The following WEE2 variants were observed in gnomAD, a reference collection of about 807,000 sequenced individuals.
WEE2 encodes the protein WEE2 oocyte meiosis inhibiting kinase.
WEE2 carries 50 observed loss-of-function variants against 60.1 expected under a neutral mutation model. The observed-to-expected ratio is 0.83, with a 90% CI of 0.66 to 1.05. The LOEUF is 1.05. Among genes scored for constraint, WEE2 ranks in the 50% least tolerant of loss-of-function variants. The probability of loss-of-function intolerance (pLI) is 0.00; values close to 1 mark genes in which losing one functional copy is unlikely to be tolerated. For missense variants in WEE2, 631 were observed against 684.3 expected (o/e 0.92, Z 0.87); for synonymous variants, 240 against 241.0 (o/e 1.00, Z 0.04).
intron 3 of WEE2, 93 bp downstream of exon 3, chr7:141,716,360 C>T (rs1798797120): frequency 2.5e-6 from 3 of 1,219,590 alleles, no homozygotes; most frequent in South Asian, 2.6e-5. Context: ...TCTCTCCTCC[C>T]TCCTCCCTTC....
In WEE2 at chr7:141,729,400, T is replaced by G. The variant is rs183198741; in HGVS notation, c.1536-131T>G. ...ACCATAGTAACTGAATTTTCTATTCTGTACATAGCTCAGGCTTTTCGTTTC... is the reference window on the plus strand; with the variant it reads ...ACCATAGTAACTGAATTTTCTATTCGGTACATAGCTCAGGCTTTTCGTTTC... On this transcript the variant is annotated intron_variant, in intron 10 of 11. Coordinates refer to ENST00000397541, the MANE Select transcript of WEE2 (RefSeq NM_001105558.1). The G allele has an allele frequency of 7.1e-6, 9 of 1,260,258 alleles. No homozygotes were observed. In the Admixed American group the frequency reaches 7.9e-5, roughly 11 times the overall value. The allele number at this position is 1,260,258 out of a possible 1,614,324, so 78.1% of individuals were successfully genotyped here.
At position 141,721,073 on chromosome 7, in the gene WEE2, T is replaced by A. The variant is rs765141322; in HGVS notation, c.880+17T>A. The A allele has an allele frequency of 6.8e-6, 11 of 1,613,252 alleles. No individual in the cohort carries two copies. In the East Asian group the frequency reaches 2.2e-4, roughly 33 times the overall value. On this transcript the variant is annotated intron_variant, in intron 5 of 11. Transcript: ENST00000397541. Reference sequence around the variant, plus strand: ...ACTGCAATGGTAAGTAGTATATAGATGAATAACTACGAAGAGGGAGATGAA... The same window carrying A: ...ACTGCAATGGTAAGTAGTATATAGAAGAATAACTACGAAGAGGGAGATGAA...
intron 4 of WEE2, among the ~76,000 whole-genome samples, chr7:141,720,141 CTTTTTTTTTTTTTTTTTTTTTT>C (rs571238574): frequency 1.6e-5 from 1 of 64,178 alleles, no homozygotes; most frequent in African/African-American, 6.2e-5. Flanking sequence ...TAGAATTCCT[CTTTTTTTTTTTTTTTTTTTTTT>C]TTTTTTTTTT....
chr7:141,708,871 G>A lies in WEE2; in HGVS notation c.113G>A (p.Ser38Asn), dbSNP rs777181983. 2 of 1,614,052 alleles carry A rather than the reference G, an allele frequency of 1.2e-6. No homozygotes were observed. Among genetic ancestry groups the A allele is most frequent in the Non-Finnish European group, 1.7e-6 (2 of 1,180,042 alleles). ...GTAGAAGAAAGCAGGGAGGCTTCGA[G>A]CCAAACCCCAGAGAAGGGTGAAGTG... ...KKVEESREAS[S>N]QTPEKGEVQD... Residue 38 changes from serine to asparagine, a missense_variant, in exon 1 of 12, where the codon AGC becomes AAC. Ser to Asn is a conservative substitution (Grantham distance 46). Transcript: ENST00000397541.
intron 4 of WEE2, 89 bp downstream of exon 4, chr7:141,719,333 C>A: frequency 2.5e-6 from 3 of 1,180,782 alleles, no homozygotes; most frequent in South Asian, 1.7e-5. Context: ...GCACCGATGT[C>A]ATTAAAAATC....
intron 3 of WEE2, 136 bp from the exon 4 acceptor site, chr7:141,718,936 C>G: frequency 1.4e-6 from 1 of 720,922 alleles, no homozygotes; most frequent in Non-Finnish European, 2.3e-6. Context: ...GAATATTGAC[C>G]CAAGTAGAAT....
chr7:141,709,044 G>C lies in WEE2; in HGVS notation c.286G>C (p.Ala96Pro). 2 of 1,614,136 alleles carry C rather than the reference G, an allele frequency of 1.2e-6. No individual in the cohort carries two copies. The highest frequency in any genetic ancestry group is 1.7e-6 in the Non-Finnish European group (2 of 1,180,026). Residue 96 changes from alanine (A) to proline (P), a missense_variant, in exon 1 of 12, where the codon GCC becomes CCC. Ala to Pro is a conservative substitution (Grantham distance 27, BLOSUM62 -1). Coordinates refer to ENST00000397541, the MANE Select transcript of WEE2 (RefSeq NM_001105558.1). Reference protein sequence around the residue: ...SHPLKCPETPAQPDSRSKLLP... With the variant: ...SHPLKCPETPPQPDSRSKLLP... ...CCCTCTCAAATGTCCTGAGACACCA[G>C]CCCAACCAGACAGCAGGAGCAAGCT...
At position 141,711,532 on chromosome 7, in the gene WEE2, A is replaced by C. The variant is rs1367313744; in HGVS notation, c.342+2432A>C. On this transcript the variant is annotated intron_variant, in intron 1 of 11. Coordinates refer to ENST00000397541, the MANE Select transcript of WEE2 (RefSeq NM_001105558.1). This position sits in a 1 kb window ranked among gnomAD's most constrained non-coding sequence, Gnocchi z 4.2. ...TGTCCAAGGGATGGAACCAAAAATC[A>C]TGTGAAATTCAGTTCACTGTAAGGA... is the stretch of plus-strand genomic sequence containing the variant. Among the ~76,000 whole-genome samples the C allele has an allele frequency of 6.6e-6, 1 of 152,234 alleles. No individual in the cohort carries two copies. The highest frequency in any genetic ancestry group is 1.5e-5 in the Non-Finnish European group (1 of 68,034).
chr7:141,714,393 T>C lies in WEE2; in HGVS notation c.527T>C (p.Ile176Thr), dbSNP rs933716174. The C allele has an allele frequency of 3.1e-6, 5 of 1,610,356 alleles. No homozygotes were observed. The African/African-American group carries it at 5.4e-5, about 17-fold the overall frequency. The change falls in exon 2 of 12, where the codon ATA becomes ACA. Residue 176 changes from isoleucine (I) to threonine (T), a missense_variant. By Grantham distance (89) the Ile-to-Thr change is moderately conservative (BLOSUM62 -1). Transcript: ENST00000397541. ...CTTCAATCTGGTGGCAAGAGGAAAA[T>C]AAGAGGAGATCTGTAAGTGCTCTAT... ...LFLQSGGKRK[I>T]RGDLEEAGPE... is the part of the protein sequence containing the mutation.
intron 1 of WEE2, 87 bp downstream of exon 1, chr7:141,709,187 A>G (rs1407896216): frequency 9.6e-7 from 1 of 1,045,034 alleles, no homozygotes; most frequent in Non-Finnish European, 1.4e-6. Context: ...TCATGTGTGT[A>G]TGACAGTCAC....
chr7:141,718,918 G>C (rs955656107), intron 3 of WEE2, among the ~76,000 whole-genome samples, 154 bp from the exon 4 acceptor site: 2 of 152,168 alleles, frequency 1.3e-5, no homozygotes, highest in Non-Finnish European at 2.9e-5. Context: ...GGAGATTCTT[G>C]CTACCATGAA....
At position 141,724,056 on chromosome 7, in the gene WEE2, T is replaced by C. The variant is rs758892614; in HGVS notation, c.1135+8T>C. 1 of 1,604,848 alleles carries C rather than the reference T, an allele frequency of 6.2e-7. No homozygotes were observed. Among genetic ancestry groups the C allele is most frequent in the Admixed American group, 1.7e-5 (1 of 59,572 alleles). ...ATGTGATGTATAAAATTGGTTAGTC[T>C]GCCTTATAGCCTTACCAGTTACCAT... is the stretch of plus-strand genomic sequence containing the variant. On this transcript the variant is annotated splice_region_variant and intron_variant, in intron 7 of 11. Transcript: ENST00000397541.
intron 2 of WEE2, among the ~76,000 whole-genome samples, chr7:141,715,289 A>G (rs1019453099): frequency 3.3e-5 from 5 of 152,194 alleles, no homozygotes; most frequent in African/African-American, 1.2e-4. Context: ...TCTGTAAATC[A>G]TTATACTCTC....
chr7:141,721,040 GA>G lies in WEE2; in HGVS notation c.866del (p.Asn289MetfsTer71). 2.5e-6 allele frequency: 4 copies of G among 1,614,158 alleles called. No individual in the cohort carries two copies. The highest frequency in any genetic ancestry group is 3.4e-6 in the Non-Finnish European group (4 of 1,180,014). On this transcript the variant is annotated frameshift_variant, in exon 5 of 12. Coordinates refer to ENST00000397541, the MANE Select transcript of WEE2 (RefSeq NM_001105558.1). LOFTEE classifies it high-confidence loss of function. ...WAEDDHMIIQ[N>X]EYCNGGSLQA... ...CAGAAGATGACCACATGATCATTCA[GA>G]ATGAATACTGCAATGGTAAGTAGTA...
intron 1 of WEE2, among the ~76,000 whole-genome samples, chr7:141,713,619 AT>A (rs1378079378): frequency 1.3e-5 from 2 of 152,158 alleles, no homozygotes; most frequent in Non-Finnish European, 2.9e-5. Context: ...TTAGTGCTTT[AT>A]TTTAAGTGAA....
At chr7:141,719,396 T>G in intron 4 of WEE2, 152 bp downstream of exon 4, 1 of 720,322 alleles carries the variant, frequency 1.4e-6, no homozygotes, top group Non-Finnish European at 2.2e-6. Context: ...TTCATAACCT[T>G]TCTGAGTTTT....
rs750440878 is a variant in WEE2, at chr7:141,727,408, G to C, written c.1497G>C (p.Gln499His). 1 of 1,614,066 alleles carries C rather than the reference G, an allele frequency of 6.2e-7. No individual in the cohort carries two copies. Among genetic ancestry groups the C allele is most frequent in the African/African-American group, 1.3e-5 (1 of 74,910 alleles). The change falls in exon 10 of 12, where the codon CAG (glutamine) becomes CAC (histidine). Residue 499 changes from glutamine (Q) to histidine (H), a missense_variant. Coordinates refer to ENST00000397541, the MANE Select transcript of WEE2 (RefSeq NM_001105558.1). The part of the protein sequence containing the change: ...SLGKTEELQQ[Q>H]LNLEKFKTAT... ...GAAAAACAGAAGAGCTCCAACAGCAGCTGAATTTGGAAAAGTTCAAGACTG... is the reference window on the plus strand; with the variant it reads ...GAAAAACAGAAGAGCTCCAACAGCACCTGAATTTGGAAAAGTTCAAGACTG...
At chr7:141,721,148 C>T in intron 5 of WEE2, 92 bp downstream of exon 5, 1 of 1,489,820 alleles carries the variant, frequency 6.7e-7, no homozygotes, top group Non-Finnish European at 9.3e-7. Context: ...TAGTTCATTC[C>T]ACGGATAGCA....
intron 5 of WEE2, among the ~76,000 whole-genome samples, chr7:141,722,617 T>C (rs952829943): frequency 4.6e-5 from 7 of 152,212 alleles, no homozygotes; most frequent in Non-Finnish European, 8.8e-5. Flanking sequence ...CTATTTCTAA[T>C]GAAATTAGAC....
Sources: allele counts gnomAD v4.1 joint callset (sites outside exome capture counted in the v4.1 genomes callset), GRCh38; gene constraint gnomAD v4.1.1; non-coding constraint Gnocchi (gnomAD v3.1); transcripts MANE v1.5; gene names NCBI Gene and HGNC (gene_info 2026-07-23, HGNC 2026-07-21).